The following USP54 variants were observed in gnomAD, a reference collection of about 807,000 sequenced individuals.
The protein encoded by USP54 is ubiquitin carboxyl-terminal hydrolase 54.
USP54 carries 87 observed loss-of-function variants against 170.5 expected under a neutral mutation model. The observed-to-expected ratio is 0.51, with a 90% CI of 0.43 to 0.61. The LOEUF is 0.61. Ranked by LOEUF, USP54 falls within the 20% of genes least tolerant of loss-of-function variation. The pLI is 0.00. For missense variants in USP54, 1,786 were observed against 2,047.8 expected (o/e 0.87, Z 2.47); for synonymous variants, 655 against 742.8 (o/e 0.88, Z 1.92).
In USP54 at chr10:73,575,645, C is replaced by A. The variant is rs1443228333; in HGVS notation, c.14G>T (p.Arg5Ile). 3 of 1,606,386 alleles carry A rather than the reference C, an allele frequency of 1.9e-6. No homozygotes were observed. Among genetic ancestry groups the A allele is most frequent in the Non-Finnish European group, 2.5e-6 (3 of 1,177,304 alleles). Residue 5 changes from arginine to isoleucine, a missense_variant, in exon 3 of 24, where the codon AGA becomes ATA. This residue lies in a region of USP54 where 361 missense variants were observed against 455.0 expected (regional missense o/e 0.79). Transcript: ENST00000687698. Reference protein sequence around the residue: MSWKRNYFSGGRGSV... With the variant: MSWKINYFSGGRGSV... Reference sequence around the variant, plus strand: ...ACCACGACCCCCTGAAAAATAATTTCTCTTCCAAGACATTATTGTTCACAT... The same window carrying A: ...ACCACGACCCCCTGAAAAATAATTTATCTTCCAAGACATTATTGTTCACAT...
In USP54 at chr10:73,543,073, C is replaced by T; in HGVS notation, c.434G>A (p.Cys145Tyr). Residue 145 changes from cysteine to tyrosine, a missense_variant, in exon 6 of 24, where the codon TGT (cysteine) becomes TAT (tyrosine). This residue lies in a region of USP54 where 361 missense variants were observed against 455.0 expected (regional missense o/e 0.79). Coordinates refer to ENST00000687698, the MANE Select transcript of USP54 (RefSeq NM_001391956.1). The part of the protein sequence containing the change: ...HIADETKEDI[C>Y]TAQHCISHQK... ...ATGGGAAATGCAGTGTTGGGCAGTA[C>T]ATATATCCTCTTTGGTTTCATCAGC... The T allele has an allele frequency of 1.2e-6, 2 of 1,614,140 alleles. No individual in the cohort carries two copies. Among genetic ancestry groups the T allele is most frequent in the Admixed American group, 1.7e-5 (1 of 60,016 alleles).
intron 20 of USP54, among the ~76,000 whole-genome samples, chr10:73,513,973 G>C (rs970829020): frequency 6.6e-6 from 1 of 152,050 alleles, no homozygotes; most frequent in African/African-American, 2.4e-5. Flanking sequence ...CCGCCACCAT[G>C]CCCAGCTAAT....
chr10:73,542,747 G>C, intron 7 of USP54, 56 bp downstream of exon 7: 1 of 1,275,280 alleles, frequency 7.8e-7, no homozygotes, highest in Non-Finnish European at 1.1e-6. Context: ...AAAAAAAAAA[G>C]TCCAATCAAC....
chr10:73,577,379 C>A (rs2133833748), intron 1 of USP54, among the ~76,000 whole-genome samples: 1 of 152,340 alleles, frequency 6.6e-6, no homozygotes, highest in Admixed American at 6.5e-5. Flanking sequence ...TAAGACTGTT[C>A]TTTCCCTTCT....
At chr10:73,537,580 T>TA (rs1302969476) in intron 10 of USP54, among the ~76,000 whole-genome samples, 1 of 152,108 alleles carries the variant, frequency 6.6e-6, no homozygotes, top group African/African-American at 2.4e-5. Context: ...AAACACATGT[T>TA]ACTCTGTGAT....
chr10:73,614,389 G>A (rs534468249), intron 1 of USP54, among the ~76,000 whole-genome samples: 10 of 149,872 alleles, frequency 6.7e-5, no homozygotes, highest in South Asian at 2.1e-4. Flanking sequence ...GTGAAACCCC[G>A]TCTCTACTAA....
intron 1 of USP54, among the ~76,000 whole-genome samples, chr10:73,577,829 C>T (rs972041396): frequency 6.6e-6 from 1 of 152,154 alleles, no homozygotes; most frequent in Non-Finnish European, 1.5e-5. Context: ...GAAAAGAACC[C>T]ATATCTCCCA....
intron 11 of USP54, 140 bp from the exon 12 acceptor site, chr10:73,534,910 C>A (rs2064913077): frequency 2.8e-6 from 2 of 719,630 alleles, no homozygotes; most frequent in Admixed American, 3.0e-5. Context: ...GCTATACCAT[C>A]AAGCCATTCT....
rs141293901 is a variant in USP54, at chr10:73,613,707, G to A, written c.-18+11860C>T. ...ACCCTGGTCAACATGGTGAAACCCC[G>A]TCTCTACTAAAAATACAAAAAATTA... On this transcript the variant is annotated intron_variant, in intron 1 of 22. Coordinates refer to the USP54 transcript ENST00000339859. Among the ~76,000 whole-genome samples the A allele has an allele frequency of 3.3e-3, 496 of 150,576 alleles. 5 individuals are homozygous for A. Among genetic ancestry groups the A allele is most frequent in the African/African-American group, 0.011 (451 of 40,988 alleles).
rs995164016 is a variant in USP54, at chr10:73,504,948, C to T, written c.4213G>A (p.Glu1405Lys). The change falls in exon 22 of 24, where the codon GAG becomes AAG. Residue 1405 changes from glutamate to lysine, a missense_variant. This residue lies in a region of USP54 where 1,418 missense variants were observed against 1,569.0 expected (regional missense o/e 0.90). Transcript: ENST00000687698. ...CGTAAATTCTCTGCACTGTACTGCT[C>T]ATCCTCCCCACACTCCCTGCTGAGG... ...RGLSRECGED[E>K]QYSAENLRRI... The T allele has an allele frequency of 1.6e-5, 26 of 1,614,036 alleles. No homozygotes were observed. Among genetic ancestry groups the T allele is most frequent in the African/African-American group, 2.7e-5 (2 of 74,904 alleles).
At chr10:73,553,939 C>T (rs186213904) in intron 4 of USP54, among the ~76,000 whole-genome samples, 57 of 152,328 alleles carry the variant, frequency 3.7e-4, no homozygotes, top group Middle Eastern at 6.8e-3. Context: ...GCAAACAATT[C>T]TATCCACATG....
chr10:73,573,360 T>A (rs1480408172), intron 3 of USP54, among the ~76,000 whole-genome samples: 1 of 152,078 alleles, frequency 6.6e-6, no homozygotes, highest in Non-Finnish European at 1.5e-5. Context: ...CCTAACCAAC[T>A]CCACCTAACT....
At chr10:73,540,728 G>C (rs530127859) in intron 9 of USP54, among the ~76,000 whole-genome samples, 36 of 152,230 alleles carry the variant, frequency 2.4e-4, no homozygotes, top group African/African-American at 7.9e-4. Context: ...CTGAGTAGCT[G>C]GGACTACAGG....
At chr10:73,597,885 G>A (rs1351438551) in intron 1 of USP54, among the ~76,000 whole-genome samples, 8 of 152,142 alleles carry the variant, frequency 5.3e-5, no homozygotes, top group Admixed American at 5.2e-4. Flanking sequence ...AGGAGTTCAA[G>A]AGCAGCCTGG....
intron 20 of USP54, chr10:73,513,112 A>G (rs1393568004): frequency 6.6e-6 from 1 of 152,220 alleles, no homozygotes; most frequent in African/African-American, 2.4e-5. Flanking sequence ...AAACGTGACC[A>G]CTTAAGTGCA....
chr10:73,612,839 CAAAAAAAAA>C (rs756355670), intron 1 of USP54, among the ~76,000 whole-genome samples: 14 of 42,132 alleles, frequency 3.3e-4, no homozygotes, highest in Non-Finnish European at 6.4e-4. Context: ...GACATTGTCT[CAAAAAAAAA>C]AAAAAAAAAA....
At chr10:73,593,135 G>T (rs1243744334), upstream of USP54, among the ~76,000 whole-genome samples, 1 of 151,840 alleles carries the variant, frequency 6.6e-6, no homozygotes, top group Admixed American at 6.6e-5. Context: ...ATTGCGGGAG[G>T]ATCATTTGAG....
At chr10:73,602,166 C>T (rs2079216285) in intron 1 of USP54, among the ~76,000 whole-genome samples, 1 of 152,182 alleles carries the variant, frequency 6.6e-6, no homozygotes, top group South Asian at 2.1e-4. Flanking sequence ...TTTACTACCT[C>T]TAAGAAAACC....
intron 4 of USP54, among the ~76,000 whole-genome samples, chr10:73,567,019 A>T (rs2073998599): frequency 1.3e-5 from 2 of 151,680 alleles, no homozygotes; most frequent in South Asian, 4.2e-4. Flanking sequence ...TGGGATTACA[A>T]GCATGCGCCA....
Sources: gnomAD v4.1 joint callset for allele counts (sites outside exome capture counted in the v4.1 genomes callset) on GRCh38, gnomAD v4.1.1 for gene constraint, gnomAD v4.1.1 regional missense constraint, MANE v1.5 for transcripts, NCBI Gene and HGNC (gene_info 2026-07-23, HGNC 2026-07-21) for gene names.